Variants in GRID2 observed in about 807,000 individuals in gnomAD.
GRID2 encodes glutamate ionotropic receptor delta type subunit 2.
GRID2 carries 33 observed loss-of-function variants against 114.8 expected under a neutral mutation model. The ratio of observed to expected loss-of-function variants is 0.29; its 90% CI spans 0.22 to 0.38. The LOEUF is 0.38. GRID2 is among the 10% of genes least tolerant of loss of function. GRID2 has a pLI of 1.00. For missense variants in GRID2, 1,184 were observed against 1,257.7 expected, an observed-to-expected ratio of 0.94 and a Z score of 0.89; for synonymous variants, 505 against 449.9, an observed-to-expected ratio of 1.12 and a Z score of -1.55.
chr4:93,479,175 TA>T (rs1420235052), intron 11 of GRID2, among the ~76,000 whole-genome samples: 1 of 152,030 alleles, frequency 6.6e-6, no homozygotes, highest in African/African-American at 2.4e-5. Flanking sequence ...GCATTATACC[TA>T]AAAAGCAATA....
chr4:93,396,615 G>A (rs1045777164), intron 9 of GRID2, among the ~76,000 whole-genome samples: 3 of 151,894 alleles, frequency 2.0e-5, no homozygotes, highest in African/African-American at 4.8e-5. Context: ...AGGAGTAACC[G>A]AAACTGGTGA....
intron 2 of GRID2, among the ~76,000 whole-genome samples, chr4:92,789,785 G>A (rs946704666): frequency 6.6e-6 from 1 of 151,714 alleles, no homozygotes. Flanking sequence ...TTCTCTGCTG[G>A]TTATCACACA....
chr4:93,091,910 T>C (rs1000122385), intron 3 of GRID2, among the ~76,000 whole-genome samples: 12 of 152,138 alleles, frequency 7.9e-5, no homozygotes, highest in African/African-American at 2.7e-4. Flanking sequence ...AAGAAGTGTT[T>C]TGCCCAGAAA....
chr4:93,649,327 T>A (rs1473266852), intron 14 of GRID2, among the ~76,000 whole-genome samples: 2 of 152,172 alleles, frequency 1.3e-5, no homozygotes, highest in African/African-American at 4.8e-5. Context: ...TAGCAGTCTT[T>A]CAGACTTTCA....
intron 2 of GRID2, among the ~76,000 whole-genome samples, chr4:93,042,264 TC>T (rs1725597613): frequency 2.0e-5 from 2 of 99,120 alleles, no homozygotes; most frequent in Admixed American, 1.4e-4. Flanking sequence ...TCTCTCTCTC[TC>T]TCTCTCTCTT....
intron 2 of GRID2, among the ~76,000 whole-genome samples, chr4:92,934,954 T>G (rs1180587653): frequency 1.4e-5 from 2 of 146,250 alleles, no homozygotes; most frequent in East Asian, 4.4e-4. Flanking sequence ...AACCTAGGCA[T>G]TACCATTCAG....
intron 8 of GRID2, among the ~76,000 whole-genome samples, chr4:93,246,479 C>A (rs1045032256): frequency 2.0e-5 from 3 of 151,012 alleles, no homozygotes; most frequent in Admixed American, 2.0e-4. Flanking sequence ...CCCAGCTACT[C>A]GGGAGGCTGA....
intron 13 of GRID2, among the ~76,000 whole-genome samples, chr4:93,548,808 C>G (rs1733484682): frequency 6.6e-6 from 1 of 152,124 alleles, no homozygotes; most frequent in Admixed American, 6.5e-5. Flanking sequence ...TTCCTTTAGA[C>G]AGATGGAGTA....
intron 1 of GRID2, among the ~76,000 whole-genome samples, chr4:92,359,422 T>C (rs1728504277): frequency 6.6e-6 from 1 of 152,040 alleles, no homozygotes; most frequent in Non-Finnish European, 1.5e-5. Context: ...TTATCTGACC[T>C]ATAACTTTTT....
chr4:92,831,750 C>A (rs1742118739), intron 2 of GRID2, among the ~76,000 whole-genome samples: 1 of 151,924 alleles, frequency 6.6e-6, no homozygotes, highest in Non-Finnish European at 1.5e-5. Flanking sequence ...GTCCTAGCTA[C>A]TTGAGAGGCT....
chr4:92,731,565 G>A (rs529827050), intron 2 of GRID2, among the ~76,000 whole-genome samples: 12 of 151,930 alleles, frequency 7.9e-5, no homozygotes, highest in Admixed American at 6.6e-4. Flanking sequence ...TCTTCAAACT[G>A]ATTTTGTAAT....
At chr4:93,110,074 AAT>A (rs1418870438) in intron 3 of GRID2, among the ~76,000 whole-genome samples, 1 of 152,168 alleles carries the variant, frequency 6.6e-6, no homozygotes, top group Non-Finnish European at 1.5e-5. Flanking sequence ...AAAATGCTGA[AAT>A]ATGTTTTGAA....
intron 2 of GRID2, among the ~76,000 whole-genome samples, chr4:92,729,186 T>G (rs146331821): frequency 2.7e-4 from 41 of 152,106 alleles, no homozygotes; most frequent in Non-Finnish European, 5.0e-4. Flanking sequence ...AAACTATATT[T>G]TTTTGACCTC....
At chr4:93,173,974 A>G (rs1360808473) in intron 4 of GRID2, among the ~76,000 whole-genome samples, 1 of 152,172 alleles carries the variant, frequency 6.6e-6, no homozygotes, top group Non-Finnish European at 1.5e-5. Context: ...AGAGGTAATT[A>G]AAAATTCACA....
rs573590840 is a variant in GRID2 at position 93,059,220 on chromosome 4, A to G, written c.245-25775A>G. Reference sequence around the variant, plus strand: ...CATAATTAAGGCAAATGAGTATAAAATGTTAATATTCCAATCTGGAAGAGA... The same window carrying G: ...CATAATTAAGGCAAATGAGTATAAAGTGTTAATATTCCAATCTGGAAGAGA... On this transcript the variant is annotated intron_variant, in intron 2 of 15. Coordinates refer to ENST00000282020, the MANE Select transcript of GRID2 (RefSeq NM_001510.4). Among the ~76,000 whole-genome samples, 211 of 152,272 alleles carry G rather than the reference A, an allele frequency of 1.4e-3. 1 individual carries two copies. The highest frequency in any genetic ancestry group is 4.7e-3 in the African/African-American group (197 of 41,578).
chr4:92,888,889 A>C (rs1052620588), intron 2 of GRID2, among the ~76,000 whole-genome samples: 2 of 151,926 alleles, frequency 1.3e-5, no homozygotes, highest in Admixed American at 1.3e-4. Flanking sequence ...AACTAAAATC[A>C]ATGTTTCATG....
chr4:93,257,964 C>A (rs565526313), intron 8 of GRID2, among the ~76,000 whole-genome samples: 170 of 138,724 alleles, frequency 1.2e-3, no homozygotes, highest in African/African-American at 4.2e-3. Context: ...TACATATACA[C>A]ACAATATGTG....
intron 2 of GRID2, among the ~76,000 whole-genome samples, chr4:93,034,930 T>C (rs1411458089): frequency 2.6e-5 from 4 of 152,184 alleles, no homozygotes; most frequent in Non-Finnish European, 5.9e-5. Context: ...ATACATTCTT[T>C]CAGTCGTTTT....
At chr4:92,779,078 T>A (rs986053385) in intron 2 of GRID2, among the ~76,000 whole-genome samples, 4 of 152,064 alleles carry the variant, frequency 2.6e-5, no homozygotes, top group Admixed American at 2.0e-4. Flanking sequence ...ATTAAAATTA[T>A]CACCTACCCT....
Sources: allele counts gnomAD v4.1 joint callset (sites outside exome capture counted in the v4.1 genomes callset), GRCh38; gene constraint gnomAD v4.1.1; transcripts MANE v1.5; gene names NCBI Gene and HGNC (gene_info 2026-07-23, HGNC 2026-07-21).